Variants in CAMKMT observed in about 807,000 individuals in gnomAD.
CAMKMT encodes calmodulin-lysine N-methyltransferase, also known as CaM KMT.
Under a neutral mutation model 48.0 loss-of-function variants are expected in CAMKMT, and 53 were observed. The observed-to-expected ratio is 1.10, with a 90% CI of 0.89 to 1.39. The LOEUF is 1.39. Ranked by LOEUF, CAMKMT falls within the 40% of genes most tolerant of loss-of-function variation. The pLI, the probability that CAMKMT is intolerant of heterozygous loss-of-function variation, is 0.00. For missense variants in CAMKMT, 428 were observed against 402.7 expected, an observed-to-expected ratio of 1.06 and a Z score of -0.54; for synonymous variants, 165 against 152.3, an observed-to-expected ratio of 1.08 and a Z score of -0.61.
chr2:44,394,022 T>C (rs925794571), intron 3 of CAMKMT, among the ~76,000 whole-genome samples: 1 of 152,250 alleles, frequency 6.6e-6, no homozygotes, highest in Non-Finnish European at 1.5e-5. Context: ...TCTCATCTTA[T>C]GCTTGGGTCT....
At chr2:44,693,372 A>G (rs181411739) in intron 3 of CAMKMT, among the ~76,000 whole-genome samples, 1 of 152,172 alleles carries the variant, frequency 6.6e-6, no homozygotes, top group Non-Finnish European at 1.5e-5. Context: ...CTTATCTTGT[A>G]TTACTCTCTT....
chr2:44,769,472 C>G (rs1221846130), intron 10 of CAMKMT, among the ~76,000 whole-genome samples: 1 of 152,198 alleles, frequency 6.6e-6, no homozygotes, highest in African/African-American at 2.4e-5. Context: ...CTCCTCAAGG[C>G]TGAGAATCAA....
chr2:44,582,548 A>G (rs1669623178), intron 3 of CAMKMT, among the ~76,000 whole-genome samples: 1 of 152,206 alleles, frequency 6.6e-6, no homozygotes, highest in Admixed American at 6.5e-5. Context: ...CTCACAGCAC[A>G]TAGTCCAATA....
At chr2:44,743,937 A>G (rs1679813295) in intron 8 of CAMKMT, among the ~76,000 whole-genome samples, 1 of 152,206 alleles carries the variant, frequency 6.6e-6, no homozygotes, top group Non-Finnish European at 1.5e-5. Flanking sequence ...ATTTTCTGGA[A>G]TTGCCTCTGT....
intron 3 of CAMKMT, among the ~76,000 whole-genome samples, chr2:44,488,693 C>A (rs931348510): frequency 6.6e-6 from 1 of 151,798 alleles, no homozygotes; most frequent in African/African-American, 2.4e-5. Context: ...CAAGCGAGAT[C>A]CTCTCTCAAA....
At chr2:44,382,053 T>C (rs1680303151) in intron 2 of CAMKMT, among the ~76,000 whole-genome samples, 1 of 151,102 alleles carries the variant, frequency 6.6e-6, no homozygotes, top group African/African-American at 2.4e-5. Context: ...GCGATTCTCC[T>C]GCCTCAGCCT....
At chr2:44,572,083 C>A (rs1232131389) in intron 3 of CAMKMT, among the ~76,000 whole-genome samples, 1 of 152,154 alleles carries the variant, frequency 6.6e-6, no homozygotes, top group Non-Finnish European at 1.5e-5. Flanking sequence ...TCACCACCAT[C>A]CATCTCTAGA....
chr2:44,570,913 G>C (rs1181831442), intron 3 of CAMKMT, among the ~76,000 whole-genome samples: 1 of 152,148 alleles, frequency 6.6e-6, no homozygotes, highest in African/African-American at 2.4e-5. Flanking sequence ...ACAGTCGACT[G>C]TATTTTAGTG....
At chr2:44,628,904 A>T (rs926663978) in intron 3 of CAMKMT, among the ~76,000 whole-genome samples, 1 of 152,134 alleles carries the variant, frequency 6.6e-6, no homozygotes, top group Non-Finnish European at 1.5e-5. Context: ...TTCAATCTTT[A>T]AGTTATTGAA....
At chr2:44,593,039 A>C (rs1157135979) in intron 3 of CAMKMT, among the ~76,000 whole-genome samples, 3 of 152,194 alleles carry the variant, frequency 2.0e-5, no homozygotes, top group African/African-American at 7.2e-5. Flanking sequence ...ATTTATAATA[A>C]ATATTCTTGA....
At chr2:44,418,063 G>A (rs1340968829) in intron 3 of CAMKMT, among the ~76,000 whole-genome samples, 1 of 151,950 alleles carries the variant, frequency 6.6e-6, no homozygotes, top group African/African-American at 2.4e-5. Flanking sequence ...ATGGTGGCAC[G>A]TGCCTATAAT....
At chr2:44,533,763 A>G (rs1666614291) in intron 3 of CAMKMT, among the ~76,000 whole-genome samples, 1 of 152,204 alleles carries the variant, frequency 6.6e-6, no homozygotes, top group South Asian at 2.1e-4. Flanking sequence ...GAAGGACTCA[A>G]ATGTTACCGC....
chr2:44,662,193 CT>C (rs1022700289), intron 3 of CAMKMT, among the ~76,000 whole-genome samples: 24 of 152,202 alleles, frequency 1.6e-4, no homozygotes, highest in Non-Finnish European at 1.6e-4. Flanking sequence ...CAGCTCTGTT[CT>C]TTATATGAAA....
chr2:44,657,672 G>A lies in CAMKMT; in HGVS notation c.377-46611G>A, dbSNP rs1674450593. On this transcript the variant is annotated intron_variant, in intron 3 of 10. Coordinates refer to ENST00000378494, the MANE Select transcript of CAMKMT (RefSeq NM_024766.5). The surrounding 1 kb of genome is among the most constrained non-coding windows in gnomAD (Gnocchi z 4.3). ...ACTTCACTAATACAGCAAAAGCAAG[G>A]CATTCTGTTGTTCAAAATACATCTT... Among the ~76,000 whole-genome samples the A allele has an allele frequency of 6.6e-6, 1 of 152,102 alleles. No individual in the cohort carries two copies. Among genetic ancestry groups the A allele is most frequent in the Admixed American group, 6.6e-5 (1 of 15,264 alleles).
chr2:44,428,108 T>C (rs980114350), intron 3 of CAMKMT, among the ~76,000 whole-genome samples: 1 of 152,142 alleles, frequency 6.6e-6, no homozygotes. Flanking sequence ...AGGGTCAGGG[T>C]GACAGCTTTT....
intron 3 of CAMKMT, among the ~76,000 whole-genome samples, chr2:44,514,474 T>G (rs1670736755): frequency 6.6e-6 from 1 of 152,238 alleles, no homozygotes. Context: ...TTCTTTGCTC[T>G]GAGAGCAGGC....
chr2:44,470,084 G>T (rs1668336417), intron 3 of CAMKMT, among the ~76,000 whole-genome samples: 1 of 150,868 alleles, frequency 6.6e-6, no homozygotes, highest in Non-Finnish European at 1.5e-5. Context: ...TCTCTAATAA[G>T]AACTTTCCAT....
chr2:44,496,287 A>AT (rs1669748472), intron 3 of CAMKMT, among the ~76,000 whole-genome samples: 1 of 152,150 alleles, frequency 6.6e-6, no homozygotes, highest in Admixed American at 6.5e-5. Context: ...TCAGCGTCAT[A>AT]TTTTTCCGAT....
At chr2:44,426,586 C>T (rs979569886) in intron 3 of CAMKMT, among the ~76,000 whole-genome samples, 3 of 152,054 alleles carry the variant, frequency 2.0e-5, no homozygotes, top group Non-Finnish European at 4.4e-5. Context: ...GTCCCATTTA[C>T]AATACACATA....
Sources: allele counts gnomAD v4.1 joint callset (sites outside exome capture counted in the v4.1 genomes callset), GRCh38; gene constraint gnomAD v4.1.1; non-coding constraint Gnocchi (gnomAD v3.1); transcripts MANE v1.5; gene names NCBI Gene and HGNC (gene_info 2026-07-23, HGNC 2026-07-21).